The following NTM variants were observed in gnomAD, a reference collection of about 807,000 sequenced individuals.
The protein encoded by NTM is neurotrimin.
A neutral mutation model predicts 42.1 loss-of-function variants in NTM; 13 were observed. That is an observed-to-expected ratio of 0.31 (90% CI 0.20 to 0.49). NTM has a LOEUF of 0.49. Ranked by LOEUF, NTM falls within the 20% of genes least tolerant of loss-of-function variation. The pLI is 0.99. For missense variants in NTM, 373 were observed against 452.8 expected (o/e 0.82, Z 1.60); for synonymous variants, 187 against 179.2 (o/e 1.04, Z -0.35).
intron 1 of NTM, among the ~76,000 whole-genome samples, chr11:131,504,096 G>A (rs1177377423): frequency 6.6e-6 from 1 of 152,078 alleles, no homozygotes; most frequent in Non-Finnish European, 1.5e-5. Flanking sequence ...GGGCTCCCTG[G>A]CCCCACCAGC....
intron 1 of NTM, among the ~76,000 whole-genome samples, chr11:131,791,902 A>G (rs777856373): frequency 2.0e-5 from 3 of 152,212 alleles, no homozygotes; most frequent in Non-Finnish European, 2.9e-5. Context: ...TTACTTATCT[A>G]TAAATAGAAA....
At chr11:131,800,148 C>T (rs915593181) in intron 1 of NTM, among the ~76,000 whole-genome samples, 7 of 152,160 alleles carry the variant, frequency 4.6e-5, no homozygotes, top group Admixed American at 6.5e-5. Flanking sequence ...CTAAAGTACA[C>T]GTACTTACAA....
chr11:131,503,795 C>A (rs141421546), intron 1 of NTM, among the ~76,000 whole-genome samples: 106 of 152,236 alleles, frequency 7.0e-4, no homozygotes, highest in African/African-American at 2.1e-3. Flanking sequence ...CAGGTGCGAG[C>A]CACCACGCCC....
In NTM at chr11:131,821,328, T is replaced by C. The variant is rs761010184; in HGVS notation, c.83-90236T>C. ...GGTGAGATCCTTAGTCATGACCTGC[T>C]CTTTCTTGTGGTCCAGGCAGGGCAA... On this transcript the variant is annotated intron_variant, in intron 1 of 8. Transcript: ENST00000683400. 5.5e-4 allele frequency among the ~76,000 whole-genome samples: 84 copies of C among 152,224 alleles called. 1 individual carries two copies. Among genetic ancestry groups the C allele is most frequent in the Non-Finnish European group, 4.3e-4 (29 of 68,044 alleles).
intron 2 of NTM, among the ~76,000 whole-genome samples, chr11:132,113,084 C>T (rs1004780317): frequency 1.3e-5 from 2 of 152,172 alleles, no homozygotes; most frequent in African/African-American, 2.4e-5. Context: ...TATAGCTGGG[C>T]CCGTCCCTCA....
chr11:132,296,376 T>C (rs1319388505), intron 4 of NTM, among the ~76,000 whole-genome samples: 6 of 152,240 alleles, frequency 3.9e-5, no homozygotes, highest in Non-Finnish European at 8.8e-5. Context: ...AGGGATTGAA[T>C]GTCCCAAACT....
At chr11:132,322,372 T>C (rs2095589482) in intron 7 of NTM, among the ~76,000 whole-genome samples, 1 of 149,196 alleles carries the variant, frequency 6.7e-6, no homozygotes, top group South Asian at 2.2e-4. Context: ...AGGCAGGGGT[T>C]GCAATCCTAG....
intron 4 of NTM, 191 bp from the exon 5 acceptor site, chr11:132,307,498 C>G (rs2095130585): frequency 4.5e-6 from 1 of 224,604 alleles, no homozygotes; most frequent in Non-Finnish European, 7.4e-6. Context: ...CACTGGGGAG[C>G]CAAGGAAAAG....
chr11:132,321,898 T>G (rs1342312929), intron 7 of NTM, among the ~76,000 whole-genome samples: 1 of 149,382 alleles, frequency 6.7e-6, no homozygotes, highest in Middle Eastern at 3.4e-3. Context: ...AAAAGAATTT[T>G]CAACCCAGAA....
intron 1 of NTM, among the ~76,000 whole-genome samples, chr11:131,645,739 C>A (rs2065696207): frequency 6.6e-6 from 1 of 152,114 alleles, no homozygotes. Context: ...TGGAAGTTCT[C>A]CTTCGGAGTG....
At chr11:132,186,758 G>T (rs1236349053) in intron 3 of NTM, among the ~76,000 whole-genome samples, 1 of 152,144 alleles carries the variant, frequency 6.6e-6, no homozygotes, top group Non-Finnish European at 1.5e-5. Flanking sequence ...TATAAATGGA[G>T]CAAATGAACC....
intron 1 of NTM, among the ~76,000 whole-genome samples, chr11:131,466,060 C>A (rs765418544): frequency 6.6e-6 from 1 of 152,200 alleles, no homozygotes; most frequent in Non-Finnish European, 1.5e-5. Flanking sequence ...TTGCCCAAAG[C>A]CATCAGCCTT....
chr11:132,108,535 A>C (rs996452793), intron 2 of NTM, among the ~76,000 whole-genome samples: 3 of 152,122 alleles, frequency 2.0e-5, no homozygotes. Flanking sequence ...CTTGGGAGGA[A>C]GGGTGGCGGG....
At chr11:131,484,526 G>T (rs1448360) in intron 1 of NTM, among the ~76,000 whole-genome samples, 60,244 of 151,976 alleles carry the variant, frequency 0.4, 12,268 homozygotes, top group East Asian at 0.65. Context: ...AGCTGAGGGG[G>T]CTGAGGCAAG....
intron 2 of NTM, among the ~76,000 whole-genome samples, chr11:132,096,464 T>C (rs1297058852): frequency 6.6e-6 from 1 of 152,158 alleles, no homozygotes; most frequent in Admixed American, 6.5e-5. Flanking sequence ...GAATGGGGAA[T>C]AGAAATAGAA....
chr11:132,148,818 G>A (rs565052783), intron 3 of NTM, among the ~76,000 whole-genome samples: 1 of 152,230 alleles, frequency 6.6e-6, no homozygotes, highest in African/African-American at 2.4e-5. Flanking sequence ...TGAGATGATG[G>A]GAGGGGGTGA....
intron 1 of NTM, among the ~76,000 whole-genome samples, chr11:131,533,521 G>A (rs1485466580): frequency 4.6e-5 from 7 of 152,328 alleles, no homozygotes; most frequent in Admixed American, 2.0e-4. Context: ...ATCAGGAAAA[G>A]CAAAGTAGCT....
chr11:131,985,845 T>TATA (rs2065982553), intron 2 of NTM, among the ~76,000 whole-genome samples: 1 of 152,144 alleles, frequency 6.6e-6, no homozygotes, highest in African/African-American at 2.4e-5. Flanking sequence ...ATCCACCACA[T>TATA]ATAACTGTTG....
intron 1 of NTM, among the ~76,000 whole-genome samples, chr11:131,589,908 A>G (rs998232295): frequency 1.3e-5 from 2 of 152,180 alleles, no homozygotes; most frequent in Admixed American, 6.5e-5. Flanking sequence ...AGAAAGTAGC[A>G]AAGAATATTT....
Sources: gnomAD v4.1 joint callset for allele counts (sites outside exome capture counted in the v4.1 genomes callset) on GRCh38, gnomAD v4.1.1 for gene constraint, MANE v1.5 for transcripts, NCBI Gene and HGNC (gene_info 2026-07-23, HGNC 2026-07-21) for gene names.